Variants in PSD3 observed in about 807,000 individuals in gnomAD.
The protein encoded by PSD3 is pleckstrin and Sec7 domain containing 3, also known as PH and SEC7 domain-containing protein 3.
In PSD3, 49 loss-of-function variants were observed where a neutral mutation model predicts 105.5. The ratio of observed to expected loss-of-function variants is 0.46; its 90% CI spans 0.37 to 0.59. The LOEUF is 0.59. Among genes scored for constraint, PSD3 ranks in the 20% least tolerant of loss-of-function variants. PSD3 has a pLI of 0.00. For missense variants in PSD3, 1,561 were observed against 1,263.8 expected (o/e 1.24, Z -3.57); for synonymous variants, 557 against 457.8 (o/e 1.22, Z -2.77).
chr8:18,548,472 A>T (rs940534428), intron 15 of PSD3, among the ~76,000 whole-genome samples: 17 of 152,214 alleles, frequency 1.1e-4, no homozygotes, highest in Non-Finnish European at 4.4e-5. Flanking sequence ...TACTTTCTCC[A>T]AACAGCCAAG....
chr8:18,776,001 C>A (rs1416685096), intron 8 of PSD3, among the ~76,000 whole-genome samples: 1 of 151,924 alleles, frequency 6.6e-6, no homozygotes, highest in Non-Finnish European at 1.5e-5. Context: ...ACTCTTTAAT[C>A]CAAGTTGAGG....
At chr8:18,690,629 C>A (rs1349811060) in intron 9 of PSD3, among the ~76,000 whole-genome samples, 1 of 152,160 alleles carries the variant, frequency 6.6e-6, no homozygotes, top group Non-Finnish European at 1.5e-5. Context: ...TGAGCCTGCA[C>A]CAGAACCCTG....
At chr8:18,605,389 C>T (rs1274365174) in intron 11 of PSD3, among the ~76,000 whole-genome samples, 3 of 151,810 alleles carry the variant, frequency 2.0e-5, no homozygotes, top group Admixed American at 6.6e-5. Flanking sequence ...TTTTTTGGTC[C>T]ATATATTCCT....
chr8:18,638,762 A>T (rs1337160406), intron 10 of PSD3, among the ~76,000 whole-genome samples: 2 of 152,226 alleles, frequency 1.3e-5, no homozygotes, highest in East Asian at 1.9e-4. Flanking sequence ...AGGAAACTAG[A>T]AACTACTCCA....
chr8:18,947,958 C>G (rs10101548), intron 1 of PSD3, among the ~76,000 whole-genome samples: 96,651 of 152,020 alleles, frequency 0.64, 30,946 homozygotes, highest in Non-Finnish European at 0.66. Flanking sequence ...CCTTCACTAA[C>G]ACAGCAGTAA....
At chr8:18,617,518 C>T (rs368787492) in intron 11 of PSD3, among the ~76,000 whole-genome samples, 68 of 152,206 alleles carry the variant, frequency 4.5e-4, no homozygotes, top group African/African-American at 1.5e-3. Flanking sequence ...GTGACAAGAG[C>T]GAAACTCCAT....
chr8:18,613,190 C>A (rs1040802700), intron 11 of PSD3, among the ~76,000 whole-genome samples: 3 of 152,082 alleles, frequency 2.0e-5, no homozygotes, highest in Admixed American at 6.6e-5. Flanking sequence ...TGACGAAATG[C>A]CGCCTTCAAG....
At chr8:18,639,636 G>A (rs1055644451) in intron 10 of PSD3, among the ~76,000 whole-genome samples, 9 of 152,172 alleles carry the variant, frequency 5.9e-5, no homozygotes, top group Non-Finnish European at 1.3e-4. Flanking sequence ...CACAGGCTAG[G>A]AGAGAGGCAT....
intron 9 of PSD3, among the ~76,000 whole-genome samples, chr8:18,701,464 T>C (rs1420824052): frequency 2.0e-5 from 3 of 152,186 alleles, no homozygotes; most frequent in Non-Finnish European, 2.9e-5. Context: ...ATTGAAAACA[T>C]ACTATGTATC....
chr8:18,585,925 G>T (rs931769632), intron 12 of PSD3, among the ~76,000 whole-genome samples: 30 of 152,142 alleles, frequency 2.0e-4, no homozygotes, highest in African/African-American at 7.2e-4. Context: ...ATGACTCTTC[G>T]TAACTCTTCA....
At chr8:18,846,294 C>A (rs1248874142) in intron 4 of PSD3, among the ~76,000 whole-genome samples, 1 of 152,214 alleles carries the variant, frequency 6.6e-6, no homozygotes, top group Non-Finnish European at 1.5e-5. Flanking sequence ...CTCCAAGGCT[C>A]AAGGGCACAA....
intron 1 of PSD3, among the ~76,000 whole-genome samples, chr8:18,949,238 AAAAAAAATATATATATATAT>A (rs1823063312): frequency 2.3e-5 from 1 of 43,834 alleles, no homozygotes; most frequent in African/African-American, 6.9e-5. Context: ...AAAAAAAAAA[AAAAAAAATATATATATATAT>A]ATATATATAT....
Position 18,765,516 on chromosome 8 carries a change from C to G in PSD3, c.2105G>C (p.Cys702Ser), listed in dbSNP as rs762791537. The G allele has an allele frequency of 6.2e-7, 1 of 1,611,120 alleles. No individual in the cohort carries two copies. The highest frequency in any genetic ancestry group is 1.3e-5 in the African/African-American group (1 of 74,864). ...TTGCAGATTTGCAATGAACTCCTGACAGGTCATCTTCTTTCCAATATTCTG... is the reference window on the plus strand; with the variant it reads ...TTGCAGATTTGCAATGAACTCCTGAGAGGTCATCTTCTTTCCAATATTCTG... ...HGHNIGKKMT[C>S]QEFIANLQGV... The change falls in exon 9 of 16, where the codon TGT becomes TCT. Residue 702 changes from cysteine to serine, a missense_variant. Cys to Ser is a moderately radical substitution (Grantham distance 112, BLOSUM62 -1). Coordinates refer to ENST00000327040, the MANE Select transcript of PSD3 (RefSeq NM_015310.4).
chr8:18,850,063 G>C (rs1586218531), intron 4 of PSD3, among the ~76,000 whole-genome samples: 1 of 152,218 alleles, frequency 6.6e-6, no homozygotes, highest in Non-Finnish European at 1.5e-5. Context: ...GTCTTGCCAT[G>C]GGAAAGCTAG....
intron 11 of PSD3, among the ~76,000 whole-genome samples, chr8:18,614,914 G>C (rs1427824305): frequency 1.3e-5 from 2 of 152,026 alleles, no homozygotes; most frequent in African/African-American, 4.8e-5. Context: ...GAAATTACAG[G>C]TGTGAACCAC....
chr8:19,020,859 A>G (rs917690658), intron 1 of PSD3, among the ~76,000 whole-genome samples: 1 of 152,170 alleles, frequency 6.6e-6, no homozygotes, highest in African/African-American at 2.4e-5. Flanking sequence ...CTAACTGGGG[A>G]AGACTGTGGA....
intron 9 of PSD3, among the ~76,000 whole-genome samples, chr8:18,690,374 G>C (rs963569173): frequency 6.6e-6 from 1 of 152,166 alleles, no homozygotes; most frequent in African/African-American, 2.4e-5. Flanking sequence ...TACTGTTAAG[G>C]ATACATAAAC....
intron 9 of PSD3, among the ~76,000 whole-genome samples, chr8:18,665,139 C>A (rs958418342): frequency 7.2e-5 from 11 of 152,190 alleles, no homozygotes; most frequent in African/African-American, 2.7e-4. Flanking sequence ...TATTTAAATA[C>A]ATTTCACAAG....
chr8:18,625,999 G>GT (rs562460976), intron 11 of PSD3, among the ~76,000 whole-genome samples: 64 of 152,044 alleles, frequency 4.2e-4, no homozygotes, highest in African/African-American at 1.5e-3. Flanking sequence ...ACTGAATTTT[G>GT]TTTTTTATTG....
Sources: allele counts gnomAD v4.1 joint callset (sites outside exome capture counted in the v4.1 genomes callset), GRCh38; gene constraint gnomAD v4.1.1; transcripts MANE v1.5; gene names NCBI Gene and HGNC (gene_info 2026-07-23, HGNC 2026-07-21).